The following CDH20 variants were observed in gnomAD, a reference collection of about 807,000 sequenced individuals.
The protein encoded by CDH20 is cadherin 20, also known as cadherin-20.
CDH20 carries 29 observed loss-of-function variants against 74.2 expected under a neutral mutation model. That is an observed-to-expected ratio of 0.39 (90% CI 0.29 to 0.53). CDH20 has a LOEUF of 0.53. Among genes scored for constraint, CDH20 ranks in the 20% least tolerant of loss-of-function variants. CDH20 has a pLI of 0.69. For missense variants in CDH20, 988 were observed against 1,048.3 expected (o/e 0.94, Z 0.79); for synonymous variants, 469 against 405.4 (o/e 1.16, Z -1.88).
intron 1 of CDH20, among the ~76,000 whole-genome samples, chr18:61,470,352 C>A (rs1313159986): frequency 3.3e-5 from 5 of 152,224 alleles, no homozygotes; most frequent in Admixed American, 3.3e-4. Flanking sequence ...CCTTGTTCCC[C>A]TATTCCCTCC....
At chr18:61,554,003 A>G (rs1168612145) in intron 11 of CDH20, among the ~76,000 whole-genome samples, 187 bp from the exon 12 acceptor site, 1 of 152,190 alleles carries the variant, frequency 6.6e-6, no homozygotes, top group African/African-American at 2.4e-5. Context: ...CCACAACCTG[A>G]CTTACAGAAA....
At chr18:61,389,234 C>T (rs1054012475) in intron 1 of CDH20, among the ~76,000 whole-genome samples, 2 of 152,098 alleles carry the variant, frequency 1.3e-5, no homozygotes, top group East Asian at 1.9e-4. Context: ...GATTGAAAAC[C>T]ACTGATTTAT....
chr18:61,410,036 G>A (rs1015455714), intron 1 of CDH20, among the ~76,000 whole-genome samples: 1 of 152,182 alleles, frequency 6.6e-6, no homozygotes, highest in Non-Finnish European at 1.5e-5. Context: ...GTAAATAAAA[G>A]CCAATTCAGA....
At chr18:61,462,823 G>A (rs79230945) in intron 1 of CDH20, among the ~76,000 whole-genome samples, 3,673 of 152,084 alleles carry the variant, frequency 0.024, 161 homozygotes, top group East Asian at 0.11. Flanking sequence ...CACCTGCCTG[G>A]ATGGCATAGA....
At chr18:61,539,241 C>A in intron 9 of CDH20, 96 bp downstream of exon 9, 1 of 1,229,908 alleles carries the variant, frequency 8.1e-7, no homozygotes, top group Non-Finnish European at 1.2e-6. Context: ...ATTTTGACTC[C>A]AGAAACGAAC....
At chr18:61,372,998 T>C (rs1911094052) in intron 1 of CDH20, among the ~76,000 whole-genome samples, 1 of 152,138 alleles carries the variant, frequency 6.6e-6, no homozygotes. Context: ...GGAGGCTGAA[T>C]GGACAAGTAC....
intron 6 of CDH20, among the ~76,000 whole-genome samples, chr18:61,513,650 T>G (rs1911869598): frequency 6.6e-6 from 1 of 152,168 alleles, no homozygotes; most frequent in Admixed American, 6.5e-5. Context: ...GTTGTTCCTC[T>G]CCACATTTAG....
At chr18:61,366,383 T>G (rs935866441) in intron 1 of CDH20, among the ~76,000 whole-genome samples, 2 of 152,202 alleles carry the variant, frequency 1.3e-5, no homozygotes, top group African/African-American at 4.8e-5. Context: ...CATTTTAAAT[T>G]TCCTTAGACT....
chr18:61,500,612 C>A, intron 4 of CDH20, 110 bp downstream of exon 4: 2 of 1,127,344 alleles, frequency 1.8e-6, no homozygotes, highest in Non-Finnish European at 2.5e-6. Context: ...AGTGTATTAA[C>A]CAGAGAAGAC....
intron 1 of CDH20, among the ~76,000 whole-genome samples, chr18:61,373,150 CA>C (rs1911100600): frequency 6.6e-6 from 1 of 151,016 alleles, no homozygotes. Flanking sequence ...CATGTGAATG[CA>C]TGATTTAGAA....
At position 61,544,913 on chromosome 18, in the gene CDH20, T is replaced by C. The variant is rs568037244; in HGVS notation, c.1531-114T>C. On this transcript the variant is annotated intron_variant, in intron 9 of 11. Transcript: ENST00000262717. The stretch of plus-strand genomic sequence containing the variant: ...CTGCCCCTCTCCCATACCAATGATA[T>C]CCTTCTCATAAGGTAAAACATCCCA... 16 of 724,458 alleles carry C rather than the reference T, an allele frequency of 2.2e-5. No homozygotes were observed. The African/African-American group carries it at 2.4e-4, about 11-fold the overall frequency. 44.9% of individuals were successfully genotyped at this position (724,458 alleles called of 1,614,324 possible).
chr18:61,406,522 C>G (rs113566629), intron 1 of CDH20, among the ~76,000 whole-genome samples: 8 of 152,236 alleles, frequency 5.3e-5, no homozygotes, highest in African/African-American at 1.9e-4. Flanking sequence ...TAGTGGAGGA[C>G]AGAACACTAT....
intron 6 of CDH20, among the ~76,000 whole-genome samples, chr18:61,524,012 T>C (rs1434215845): frequency 1.3e-5 from 2 of 152,068 alleles, no homozygotes; most frequent in Non-Finnish European, 2.9e-5. Context: ...TATACCTATG[T>C]AACAAACCTG....
At chr18:61,371,254 C>T (rs1911027113) in intron 1 of CDH20, among the ~76,000 whole-genome samples, 1 of 152,084 alleles carries the variant, frequency 6.6e-6, no homozygotes, top group Admixed American at 6.6e-5. Context: ...TGAGACAGAG[C>T]AGCAGGGTAA....
chr18:61,495,936 T>G (rs940639789), intron 2 of CDH20, among the ~76,000 whole-genome samples: 4 of 151,990 alleles, frequency 2.6e-5, no homozygotes, highest in African/African-American at 4.8e-5. Flanking sequence ...AAAGCTGAGA[T>G]GCTTCCTGCT....
intron 1 of CDH20, among the ~76,000 whole-genome samples, chr18:61,451,996 A>G (rs1178330213): frequency 6.6e-6 from 1 of 152,172 alleles, no homozygotes; most frequent in Non-Finnish European, 1.5e-5. Context: ...TAGTACCACA[A>G]TGATTCAATC....
chr18:61,353,513 A>T lies in CDH20; in HGVS notation c.-153+19686A>T, dbSNP rs528309038. Among the ~76,000 whole-genome samples, 2 of 152,330 alleles carry T rather than the reference A, an allele frequency of 1.3e-5. No homozygotes were observed. The highest frequency in any genetic ancestry group is 4.8e-5 in the African/African-American group (2 of 41,574). ...GTCCTCTTGTTTTTTCTAGAAGATGATCTGTAATTGTATAGACACAGCTTT... is the reference window on the plus strand; with the variant it reads ...GTCCTCTTGTTTTTTCTAGAAGATGTTCTGTAATTGTATAGACACAGCTTT... On this transcript the variant is annotated intron_variant, in intron 1 of 11. Coordinates refer to ENST00000262717, the MANE Select transcript of CDH20 (RefSeq NM_031891.4). The surrounding 1 kb of genome is among the most constrained non-coding windows in gnomAD (Gnocchi z 4.6).
intron 1 of CDH20, among the ~76,000 whole-genome samples, chr18:61,435,007 T>A (rs988825255): frequency 2.0e-5 from 3 of 152,130 alleles, no homozygotes; most frequent in Non-Finnish European, 4.4e-5. Context: ...CTCAAAGTAA[T>A]AATATAAAGA....
Position 61,416,063 on chromosome 18 carries a change from A to T in CDH20, c.-152-74339A>T, listed in dbSNP as rs185978354. On this transcript the variant is annotated intron_variant, in intron 1 of 11. Transcript: ENST00000262717. Reference sequence around the variant, plus strand: ...AGATGTAAAAAAAAAAAATATTAAGATCACTATAAGAACTCATTATGTATC... The same window carrying T: ...AGATGTAAAAAAAAAAAATATTAAGTTCACTATAAGAACTCATTATGTATC... 1.1e-3 allele frequency among the ~76,000 whole-genome samples: 161 copies of T among 152,070 alleles called. 2 individuals carry two copies. Among genetic ancestry groups the T allele is most frequent in the African/African-American group, 3.7e-3 (152 of 41,528 alleles).
Sources: allele counts gnomAD v4.1 joint callset (sites outside exome capture counted in the v4.1 genomes callset), GRCh38; gene constraint gnomAD v4.1.1; non-coding constraint Gnocchi (gnomAD v3.1); transcripts MANE v1.5; gene names NCBI Gene and HGNC (gene_info 2026-07-23, HGNC 2026-07-21).